The following FRY variants were observed in gnomAD, a reference collection of about 807,000 sequenced individuals.
FRY encodes the protein FRY microtubule binding protein.
FRY carries 128 observed loss-of-function variants against 348.4 expected under a neutral mutation model. That is an observed-to-expected ratio of 0.37 (90% CI 0.32 to 0.43). The LOEUF is 0.43. Among genes scored for constraint, FRY ranks in the 20% least tolerant of loss-of-function variants. The pLI is 1.00. For synonymous variants in FRY, 1,370 were observed against 1,374.7 expected (o/e 1.00, Z 0.08); for missense variants, 2,736 against 3,695.2 (o/e 0.74, Z 6.73).
intron 10 of FRY, among the ~76,000 whole-genome samples, 154 bp downstream of exon 10, chr13:32,135,337 T>C (rs1025317503): frequency 1.3e-5 from 2 of 152,202 alleles, no homozygotes; most frequent in African/African-American, 2.4e-5. Flanking sequence ...TGAAGCTGGC[T>C]TTTTGTATTG....
intron 1 of FRY, among the ~76,000 whole-genome samples, chr13:32,077,155 A>T (rs960409183): frequency 6.6e-6 from 1 of 152,204 alleles, no homozygotes; most frequent in Admixed American, 6.5e-5. Context: ...TGAGGGCATC[A>T]GCAGGACTTG....
chr13:32,084,580 C>T (rs759414916), intron 2 of FRY, among the ~76,000 whole-genome samples: 11 of 152,188 alleles, frequency 7.2e-5, no homozygotes, highest in Non-Finnish European at 1.3e-4. Flanking sequence ...ACAACTTATA[C>T]GTATCTGCAA....
rs1879383357 is a variant in FRY, at chr13:32,131,801, T to C, written c.846T>C (p.Tyr282=). Residue 282 remains tyrosine (Y), a synonymous_variant, in exon 8 of 61, where the codon TAT becomes TAC. Coordinates refer to ENST00000542859, the MANE Select transcript of FRY (RefSeq NM_023037.3). Reference sequence around the variant, plus strand: ...TGAAATTCTTTCGAATTAAGATGTATCCAGTGGAGGATTTTGAGGCCTCTC... The same window carrying C: ...TGAAATTCTTTCGAATTAAGATGTACCCAGTGGAGGATTTTGAGGCCTCTC... ...MGMKFFRIKM[Y]PVEDFEASLQ... 1 of 1,613,788 alleles carries C rather than the reference T, an allele frequency of 6.2e-7. No homozygotes were observed. The highest frequency in any genetic ancestry group is 1.7e-5 in the Admixed American group (1 of 59,996).
rs759908271 is a variant in FRY, at chr13:32,262,420, G to C, written c.7724G>C (p.Ser2575Thr). Residue 2575 changes from serine to threonine, a missense_variant, in exon 53 of 61, where the codon AGC (serine) becomes ACC (threonine). Ser to Thr is a moderately conservative substitution (Grantham distance 58). Transcript: ENST00000542859. ...EPHSFNTRMS[S>T]FDASLPDMNN... is the part of the protein sequence containing the mutation. ...CATTCCTTTAACACCAGAATGTCCA[G>C]CTTTGATGCTTCCTTGCCTGATATG... is the stretch of plus-strand genomic sequence containing the variant. The C allele has an allele frequency of 3.7e-6, 6 of 1,613,684 alleles. No homozygotes were observed. In the Admixed American group the frequency reaches 8.3e-5, roughly 22 times the overall value.
chr13:32,107,140 C>T (rs561781903), intron 3 of FRY, among the ~76,000 whole-genome samples: 13 of 152,084 alleles, frequency 8.5e-5, no homozygotes, highest in East Asian at 3.9e-4. Flanking sequence ...GTGGATCACC[C>T]GAGCTCAAGA....
intron 29 of FRY, among the ~76,000 whole-genome samples, chr13:32,201,351 A>G (rs1338439469): frequency 6.6e-6 from 1 of 152,140 alleles, no homozygotes; most frequent in Admixed American, 6.5e-5. Context: ...GGTGTCCCTC[A>G]TCAGGATTCT....
rs181463736 is a variant in FRY, at chr13:32,095,567, A to G, written c.271-6396A>G. 2.7e-5 allele frequency among the ~76,000 whole-genome samples: 4 copies of G among 150,398 alleles called. No individual in the cohort carries two copies. The East Asian group carries it at 7.8e-4, about 29-fold the overall frequency. The stretch of plus-strand genomic sequence containing the variant: ...ACCATGTTGGTCAGCCTGGTCTCGA[A>G]CTCCTGACCTCGTGATCCACCCACC... On this transcript the variant is annotated intron_variant, in intron 2 of 60. Coordinates refer to ENST00000542859, the MANE Select transcript of FRY (RefSeq NM_023037.3).
chr13:32,127,460 A>C (rs1177245296), intron 7 of FRY, among the ~76,000 whole-genome samples: 1 of 152,190 alleles, frequency 6.6e-6, no homozygotes, highest in African/African-American at 2.4e-5. Flanking sequence ...GTGCTAAGTA[A>C]CATGTTTATA....
At chr13:32,280,020 G>A (rs533755127) in intron 58 of FRY, among the ~76,000 whole-genome samples, 19 of 152,256 alleles carry the variant, frequency 1.2e-4, no homozygotes, top group African/African-American at 4.3e-4. Context: ...TCTTGAAGAC[G>A]CACATTTATA....
At chr13:32,104,253 C>T (rs1379915710) in intron 3 of FRY, among the ~76,000 whole-genome samples, 2 of 152,182 alleles carry the variant, frequency 1.3e-5, no homozygotes, top group African/African-American at 4.8e-5. Context: ...ATTAGACAAA[C>T]CTGGGTTTAA....
In FRY at chr13:32,171,436, G is replaced by C. The variant is rs1022453115; in HGVS notation, c.2151+166G>C. On this transcript the variant is annotated intron_variant, in intron 18 of 60. Coordinates refer to ENST00000542859, the MANE Select transcript of FRY (RefSeq NM_023037.3). ...AGTGATTTTCATGCCTCAGCCTCCC[G>C]AGTAGCTGGGATTACAGGTGCACAA... 2.0e-5 allele frequency among the ~76,000 whole-genome samples: 3 copies of C among 147,220 alleles called. No individual in the cohort carries two copies. In the East Asian group the frequency reaches 6.0e-4, roughly 30 times the overall value.
chr13:32,110,439 C>T lies in FRY; in HGVS notation c.325-6895C>T, dbSNP rs371479279. On this transcript the variant is annotated intron_variant, in intron 3 of 60. Coordinates refer to ENST00000542859, the MANE Select transcript of FRY (RefSeq NM_023037.3). ...GAACTACTCATCCAACCGTGATGAG[C>T]GTGGGCCTGGGTGGGTGATGATCAA... Among the ~76,000 whole-genome samples, 293 of 152,222 alleles carry T rather than the reference C, an allele frequency of 1.9e-3. 1 individual carries two copies. The highest frequency in any genetic ancestry group is 6.9e-3 in the African/African-American group (288 of 41,554).
intron 7 of FRY, among the ~76,000 whole-genome samples, chr13:32,127,988 A>AT (rs1295200584): frequency 1.3e-5 from 2 of 152,052 alleles, no homozygotes; most frequent in Admixed American, 6.5e-5. Context: ...TAACTATAAT[A>AT]TTTTTCTCTC....
intron 1 of FRY, among the ~76,000 whole-genome samples, chr13:32,055,761 G>A (rs1873590322): frequency 6.6e-6 from 1 of 152,212 alleles, no homozygotes; most frequent in African/African-American, 2.4e-5. Flanking sequence ...TATAAGCTGA[G>A]TAATGGAAAT....
At chr13:32,195,173 T>G (rs1045900317) in intron 29 of FRY, among the ~76,000 whole-genome samples, 1 of 152,178 alleles carries the variant, frequency 6.6e-6, no homozygotes, top group African/African-American at 2.4e-5. Context: ...TCCTTAAAAT[T>G]TTTATCTTTC....
At position 32,247,799 on chromosome 13, in the gene FRY, T is replaced by C. The variant is rs565601226; in HGVS notation, c.7008+297T>C. ...CATTTTAAACCATGACCTTCACTCA[T>C]TCTTTATCTGACAATGGTCATGTCT... is the stretch of plus-strand genomic sequence containing the variant. On this transcript the variant is annotated intron_variant, in intron 48 of 60. Transcript: ENST00000542859. 7.5e-4 allele frequency among the ~76,000 whole-genome samples: 114 copies of C among 152,346 alleles called. 2 individuals are homozygous for C. The South Asian group carries it at 0.023, about 30-fold the overall frequency.
intron 51 of FRY, 141 bp from the exon 52 acceptor site, chr13:32,261,475 A>G (rs773083563): frequency 2.4e-6 from 2 of 819,574 alleles, no homozygotes; most frequent in African/African-American, 3.3e-5. Context: ...TGGGTAAACA[A>G]AAGTTTTGAT....
At chr13:32,040,852 A>G (rs1409179282) in intron 1 of FRY, among the ~76,000 whole-genome samples, 1 of 152,222 alleles carries the variant, frequency 6.6e-6, no homozygotes, top group Non-Finnish European at 1.5e-5. Context: ...ATACTCTCCT[A>G]CATTTCAGTA....
intron 13 of FRY, 39 bp downstream of exon 13, chr13:32,147,986 GT>G: frequency 8.8e-7 from 1 of 1,138,466 alleles, no homozygotes; most frequent in Non-Finnish European, 1.3e-6. Context: ...TCTTCTGATG[GT>G]TTTTCAGCAG....
Sources: allele counts gnomAD v4.1 joint callset (sites outside exome capture counted in the v4.1 genomes callset), GRCh38; gene constraint gnomAD v4.1.1; transcripts MANE v1.5; gene names NCBI Gene and HGNC (gene_info 2026-07-23, HGNC 2026-07-21).